Variants in DOCK8 observed in about 807,000 individuals in gnomAD.
DOCK8 encodes the protein dedicator of cytokinesis 8, also known as dedicator of cytokinesis protein 8.
DOCK8 carries 141 observed loss-of-function variants against 245.6 expected under a neutral mutation model. The ratio of observed to expected loss-of-function variants is 0.57; its 90% confidence interval spans 0.50 to 0.66. DOCK8 has a LOEUF of 0.66. Ranked by LOEUF, DOCK8 falls within the 30% of genes least tolerant of loss-of-function variation. DOCK8 has a pLI of 0.00. For synonymous variants in DOCK8, 1,168 were observed against 970.2 expected (o/e 1.20, Z -3.79); for missense variants, 2,965 against 2,603.4 (o/e 1.14, Z -3.02).
rs140019987 is a variant in DOCK8, at chr9:420,902, C to T, written c.4024-47C>T. 172 of 1,612,052 alleles carry T rather than the reference C, an allele frequency of 1.1e-4. 1 individual carries two copies. The South Asian group carries it at 1.2e-3, about 11-fold the overall frequency. On this transcript the variant is annotated intron_variant, in intron 31 of 47. Coordinates refer to ENST00000432829, the MANE Select transcript of DOCK8 (RefSeq NM_203447.4). Reference sequence around the variant, plus strand: ...CTGTTTTGGTAACTCTCCCCATCAACGGAGATCTCACCAAAGGACATGTCC... The same window carrying T: ...CTGTTTTGGTAACTCTCCCCATCAATGGAGATCTCACCAAAGGACATGTCC...
At position 403,901 on chromosome 9, in the gene DOCK8, T is replaced by C. The variant is rs868626189; in HGVS notation, c.3235-1017T>C. On this transcript the variant is annotated intron_variant, in intron 26 of 47. Transcript: ENST00000432829. The stretch of plus-strand genomic sequence containing the variant: ...CTCTCTCTCTCTCTCTCTATATATA[T>C]ATATATATATATATACATATATATA... 1.7e-4 allele frequency among the ~76,000 whole-genome samples: 13 copies of C among 77,906 alleles called. 1 individual carries two copies. Among genetic ancestry groups the C allele is most frequent in the African/African-American group, 4.0e-4 (5 of 12,630 alleles). The allele number at this position is 77,906 out of a possible 152,430, so 51.1% of individuals were successfully genotyped here. A position where few individuals can be genotyped will look rare whatever the true frequency, so the allele number is the denominator to read the frequency against.
At chr9:233,887 G>A (rs183016552) in intron 1 of DOCK8, among the ~76,000 whole-genome samples, 1 of 152,070 alleles carries the variant, frequency 6.6e-6, no homozygotes, top group African/African-American at 2.4e-5. Flanking sequence ...GGAGCATTTA[G>A]CCCATTTACA....
intron 1 of DOCK8, among the ~76,000 whole-genome samples, chr9:262,495 A>T (rs1352429011): frequency 1.1e-5 from 1 of 93,020 alleles, no homozygotes; most frequent in Non-Finnish European, 2.5e-5. Flanking sequence ...CCTCTATAAT[A>T]AAAGGGAGTA....
chr9:255,307 A>G (rs1056347332), intron 1 of DOCK8, among the ~76,000 whole-genome samples: 1 of 152,188 alleles, frequency 6.6e-6, no homozygotes, highest in Non-Finnish European at 1.5e-5. Context: ...GAAATCACCA[A>G]TTAATGCAGA....
intron 1 of DOCK8, among the ~76,000 whole-genome samples, chr9:255,674 A>AGG (rs2047754964): frequency 7.0e-6 from 1 of 142,218 alleles, no homozygotes; most frequent in African/African-American, 2.6e-5. Context: ...TCTCCAAAAA[A>AGG]AAAAAAAAAA....
chr9:454,960 C>A (rs1021659125), intron 46 of DOCK8, among the ~76,000 whole-genome samples: 3 of 152,166 alleles, frequency 2.0e-5, no homozygotes. Context: ...TTAACAAAGT[C>A]ATTAGAGTTT....
chr9:440,085 C>G (rs920415376), intron 40 of DOCK8, among the ~76,000 whole-genome samples: 2 of 152,198 alleles, frequency 1.3e-5, no homozygotes, highest in African/African-American at 4.8e-5. Flanking sequence ...GTGGTGCAAT[C>G]ATGGCTCACT....
Position 301,878 on chromosome 9 carries a change from C to G in DOCK8, c.405-2703C>G, listed in dbSNP as rs150802446. On this transcript the variant is annotated intron_variant, in intron 4 of 47. Coordinates refer to ENST00000432829, the MANE Select transcript of DOCK8 (RefSeq NM_203447.4). ...AACAAATGGACAAATATTCCATGCT[C>G]GTGGATAGGAAGAATCAATATTATT... 9.9e-5 allele frequency among the ~76,000 whole-genome samples: 15 copies of G among 152,122 alleles called. No individual in the cohort carries two copies. The East Asian group carries it at 2.7e-3, about 27-fold the overall frequency.
At chr9:411,007 A>C (rs76070916) in intron 28 of DOCK8, among the ~76,000 whole-genome samples, 3,677 of 152,348 alleles carry the variant, frequency 0.024, 151 homozygotes, top group African/African-American at 0.083. Flanking sequence ...AAAGGTACAA[A>C]GTACTAAAAT....
In DOCK8 at chr9:403,968, A is replaced by G. The variant is rs1208533432; in HGVS notation, c.3235-950A>G. Among the ~76,000 whole-genome samples the G allele has an allele frequency of 6.9e-4, 50 of 72,556 alleles. 1 individual carries two copies. Among genetic ancestry groups the G allele is most frequent in the African/African-American group, 4.5e-3 (45 of 10,048 alleles). 47.6% of individuals were successfully genotyped at this position (72,556 alleles called of 152,430 possible). A position where few individuals can be genotyped will look rare whatever the true frequency, so the allele number is the denominator to read the frequency against. On this transcript the variant is annotated intron_variant, in intron 26 of 47. Coordinates refer to ENST00000432829, the MANE Select transcript of DOCK8 (RefSeq NM_203447.4). ...TGTGTATATATATATATGTATATAT[A>G]TATATATGTGTATATATATATATGT... is the stretch of plus-strand genomic sequence containing the variant.
Position 407,046 on chromosome 9 carries a change from T to A in DOCK8, c.3507T>A (p.Ala1169=), listed in dbSNP as rs149585138. The A allele has an allele frequency of 1.2e-6, 2 of 1,614,022 alleles. No individual in the cohort carries two copies. Among genetic ancestry groups the A allele is most frequent in the Non-Finnish European group, 1.7e-6 (2 of 1,180,028 alleles). Residue 1169 remains alanine (A), a synonymous_variant, in exon 28 of 48, where the codon GCT becomes GCA. Transcript: ENST00000432829. ...GGCTCCTCTTCACAGAACTGGCTGC[T>A]GCCCTGGATGCCGAAGGGGAAGGGT... is the stretch of plus-strand genomic sequence containing the variant. ...LTGLLFTELA[A]ALDAEGEGIS...
At chr9:333,346 A>C (rs1268290520) in intron 10 of DOCK8, among the ~76,000 whole-genome samples, 1 of 152,266 alleles carries the variant, frequency 6.6e-6, no homozygotes, top group Non-Finnish European at 1.5e-5. Flanking sequence ...TCACACCTGT[A>C]ATCCCAGCAC....
intron 33 of DOCK8, among the ~76,000 whole-genome samples, chr9:424,279 C>A (rs1022268420): frequency 6.0e-5 from 9 of 150,462 alleles, no homozygotes; most frequent in African/African-American, 2.2e-4. Context: ...CCCAGCTGCA[C>A]CCTAGACTAC....
At chr9:322,808 A>G (rs569271746) in intron 7 of DOCK8, among the ~76,000 whole-genome samples, 26 of 152,242 alleles carry the variant, frequency 1.7e-4, no homozygotes, top group African/African-American at 5.5e-4. Context: ...AAAGCCTCCA[A>G]TTGGCCTGGT....
At chr9:283,749 A>G (rs2048695167) in intron 2 of DOCK8, among the ~76,000 whole-genome samples, 2 of 152,228 alleles carry the variant, frequency 1.3e-5, no homozygotes, top group African/African-American at 4.8e-5. Context: ...ACTGAATAGA[A>G]TTATTCAGGC....
At position 271,409 on chromosome 9, in the gene DOCK8, T is replaced by C. The variant is rs1024612480; in HGVS notation, c.54-218T>C. ...CTTCCAGTATTGGGCAGGACCTGAC[T>C]GCAGGCATCATGGCCTCTGTGAACT... is the stretch of plus-strand genomic sequence containing the variant. On this transcript the variant is annotated intron_variant, in intron 1 of 47. Transcript: ENST00000432829. 3.3e-5 allele frequency among the ~76,000 whole-genome samples: 5 copies of C among 152,332 alleles called. No homozygotes were observed. The South Asian group carries it at 6.2e-4, about 19-fold the overall frequency.
chr9:325,735 AAGGT>A lies in DOCK8; in HGVS notation c.894_894+3del. On this transcript the variant is annotated splice_donor_variant and coding_sequence_variant, in exon 8 of 48. Transcript: ENST00000432829. LOFTEE classifies it high-confidence loss of function. ...CCTCTACGATGTTAAAGAAAGGAAA[AAGGT>A]AAGAAAGCAAAGAAAAATCCATCCC... 1.2e-6 allele frequency: 2 copies of A among 1,613,646 alleles called. No individual in the cohort carries two copies. The highest frequency in any genetic ancestry group is 1.7e-6 in the Non-Finnish European group (2 of 1,179,582).
intron 1 of DOCK8, among the ~76,000 whole-genome samples, chr9:260,523 A>C (rs1390603339): frequency 6.6e-6 from 1 of 152,232 alleles, no homozygotes; most frequent in African/African-American, 2.4e-5. Flanking sequence ...TTAATTGGTA[A>C]AATACTCTGA....
intron 42 of DOCK8, 118 bp from the exon 43 acceptor site, chr9:443,309 A>T: frequency 1.0e-6 from 1 of 982,816 alleles, no homozygotes; most frequent in Non-Finnish European, 1.6e-6. Flanking sequence ...GGAACTCTCA[A>T]TAATCAGTGA....
Sources: gnomAD v4.1 joint callset for allele counts (sites outside exome capture counted in the v4.1 genomes callset) on GRCh38, gnomAD v4.1.1 for gene constraint, MANE v1.5 for transcripts, NCBI Gene and HGNC (gene_info 2026-07-23, HGNC 2026-07-21) for gene names.